Variants in PKNOX2 observed in about 807,000 individuals in gnomAD.
The protein encoded by PKNOX2 is homeobox protein PKNOX2.
PKNOX2 carries 14 observed loss-of-function variants against 53.1 expected under a neutral mutation model. That is an observed-to-expected ratio of 0.26 (90% confidence interval 0.17 to 0.41). PKNOX2 has a LOEUF of 0.41. Among genes scored for constraint, PKNOX2 ranks in the 10% least tolerant of loss-of-function variants. The pLI is 1.00. For missense variants in PKNOX2, 496 were observed against 602.8 expected, an observed-to-expected ratio of 0.82 and a Z score of 1.85; for synonymous variants, 257 against 242.8, an observed-to-expected ratio of 1.06 and a Z score of -0.54.
intron 4 of PKNOX2, among the ~76,000 whole-genome samples, chr11:125,354,690 A>T (rs147406758): frequency 6.6e-6 from 1 of 152,058 alleles, no homozygotes; most frequent in Admixed American, 6.6e-5. Context: ...ATAAATTAGA[A>T]TTTTTTTTCA....
chr11:125,347,528 G>A (rs370972292), intron 3 of PKNOX2, among the ~76,000 whole-genome samples: 3 of 152,104 alleles, frequency 2.0e-5, no homozygotes, highest in Non-Finnish European at 4.4e-5. Flanking sequence ...CCAGACTGCC[G>A]ACCTGGTGGT....
chr11:125,251,618 G>GA (rs1486356616), intron 2 of PKNOX2, among the ~76,000 whole-genome samples: 1 of 151,902 alleles, frequency 6.6e-6, no homozygotes, highest in African/African-American at 2.4e-5. Flanking sequence ...GATCTACACA[G>GA]ATGGGGTGCA....
chr11:125,264,766 C>A (rs548528272), intron 2 of PKNOX2, among the ~76,000 whole-genome samples: 2 of 151,774 alleles, frequency 1.3e-5, no homozygotes, highest in South Asian at 4.2e-4. Context: ...TTCTCTAAGC[C>A]CTGGGAACAG....
intron 1 of PKNOX2, among the ~76,000 whole-genome samples, chr11:125,211,183 G>A (rs1354755591): frequency 2.0e-5 from 3 of 151,994 alleles, no homozygotes; most frequent in Non-Finnish European, 4.4e-5. Context: ...GTTTCCTCTG[G>A]GTCAAAATGA....
In PKNOX2 at chr11:125,365,030, T is replaced by C. The variant is rs1952114725; in HGVS notation, c.88-2816T>C. 3.3e-5 allele frequency among the ~76,000 whole-genome samples: 5 copies of C among 152,220 alleles called. No homozygotes were observed. The South Asian group carries it at 1.0e-3, about 32-fold the overall frequency. ...GGTATTGGAAAGGTATTATTTAGGT[T>C]GTCTCCTTGTTATAGATCAAATGCA... On this transcript the variant is annotated intron_variant, in intron 4 of 12. Transcript: ENST00000298282.
intron 7 of PKNOX2, among the ~76,000 whole-genome samples, chr11:125,409,391 G>A (rs938921334): frequency 6.6e-6 from 1 of 152,198 alleles, no homozygotes; most frequent in Non-Finnish European, 1.5e-5. Context: ...TCGGCAGTGT[G>A]GGGAGAGGAG....
chr11:125,235,952 C>G (rs898674452), intron 2 of PKNOX2, among the ~76,000 whole-genome samples: 62 of 152,222 alleles, frequency 4.1e-4, no homozygotes, highest in Middle Eastern at 3.4e-3. Flanking sequence ...ACTGAGTTGC[C>G]CTGGGCAGGC....
At chr11:125,411,011 C>A in intron 9 of PKNOX2, 135 bp downstream of exon 9, 1 of 722,720 alleles carries the variant, frequency 1.4e-6, no homozygotes. Context: ...ATTACCCCTA[C>A]TTTACAGATA....
At chr11:125,270,416 C>G (rs949253601) in intron 2 of PKNOX2, among the ~76,000 whole-genome samples, 8 of 152,114 alleles carry the variant, frequency 5.3e-5, no homozygotes, top group African/African-American at 1.9e-4. Context: ...GGGCCCAGAC[C>G]TGGGGCTGAA....
intron 3 of PKNOX2, among the ~76,000 whole-genome samples, chr11:125,345,854 C>T (rs1417913103): frequency 4.6e-5 from 7 of 152,128 alleles, no homozygotes. Flanking sequence ...AGCTGCAAAT[C>T]CTAAGGCGAC....
chr11:125,204,190 G>A (rs1045113991), intron 1 of PKNOX2, among the ~76,000 whole-genome samples: 1 of 152,244 alleles, frequency 6.6e-6, no homozygotes, highest in Non-Finnish European at 1.5e-5. Flanking sequence ...TTTCCTGGAA[G>A]AGGAAGTGTA....
At chr11:125,285,819 CAAGCTCACGGCTTCCT>C (rs1946860379) in intron 2 of PKNOX2, among the ~76,000 whole-genome samples, 1 of 152,200 alleles carries the variant, frequency 6.6e-6, no homozygotes, top group African/African-American at 2.4e-5. Flanking sequence ...ATAAATACTC[CAAGCTCACGGCTTCCT>C]AAGCACTTCA....
chr11:125,333,173 AAGG>A (rs1950233640), intron 3 of PKNOX2, among the ~76,000 whole-genome samples: 2 of 152,110 alleles, frequency 1.3e-5, no homozygotes, highest in South Asian at 4.1e-4. Flanking sequence ...AGATGGGAAG[AAGG>A]TACAAAAAGG....
chr11:125,370,231 G>C lies in PKNOX2; in HGVS notation c.227+2246G>C, dbSNP rs1382109745. Among the ~76,000 whole-genome samples the C allele has an allele frequency of 1.3e-5, 2 of 152,164 alleles. No individual in the cohort carries two copies. The highest frequency in any genetic ancestry group is 2.9e-5 in the Non-Finnish European group (2 of 68,040). ...AGACTTGATAAGAATCAATGAGACG[G>C]CCCGTGGAGGCACCTGGCCCTGCGT... On this transcript the variant is annotated intron_variant, in intron 5 of 12. Coordinates refer to ENST00000298282, the MANE Select transcript of PKNOX2 (RefSeq NM_001382323.2). The surrounding 1 kb of genome is among the most constrained non-coding windows in gnomAD (Gnocchi z 4.1).
intron 1 of PKNOX2, among the ~76,000 whole-genome samples, chr11:125,209,342 C>T (rs994925405): frequency 3.9e-5 from 6 of 151,946 alleles, no homozygotes; most frequent in Non-Finnish European, 7.4e-5. Context: ...GTAGATTTTG[C>T]ATGTTGTAGA....
At chr11:125,179,626 C>T (rs565226685) in intron 1 of PKNOX2, among the ~76,000 whole-genome samples, 33 of 151,970 alleles carry the variant, frequency 2.2e-4, no homozygotes, top group Admixed American at 1.1e-3. Flanking sequence ...GAGGAGCTTG[C>T]GAGAGAACCC....
chr11:125,268,705 G>A (rs1479368041), intron 2 of PKNOX2, among the ~76,000 whole-genome samples: 1 of 149,652 alleles, frequency 6.7e-6, no homozygotes, highest in Non-Finnish European at 1.5e-5. Context: ...GTGTGGGACA[G>A]AAGTCTCTTG....
At position 125,341,918 on chromosome 11, in the gene PKNOX2, C is replaced by T. The variant is rs527550355; in HGVS notation, c.-22-9366C>T. On this transcript the variant is annotated intron_variant, in intron 3 of 12. Transcript: ENST00000298282. ...AGGAACACAGAGCCAGTGTACCCGC[C>T]CTCCTTCCAAGGGGGTGGTGAGGAC... Among the ~76,000 whole-genome samples the T allele has an allele frequency of 2.0e-5, 3 of 149,878 alleles. No homozygotes were observed. In the East Asian group the frequency reaches 5.8e-4, roughly 29 times the overall value.
chr11:125,294,724 C>T (rs1388315923), intron 2 of PKNOX2, among the ~76,000 whole-genome samples: 10 of 152,206 alleles, frequency 6.6e-5, no homozygotes, highest in South Asian at 2.1e-4. Flanking sequence ...AGTAGTCAGG[C>T]TTATGAAGAG....
Sources: allele counts gnomAD v4.1 joint callset (sites outside exome capture counted in the v4.1 genomes callset), GRCh38; gene constraint gnomAD v4.1.1; non-coding constraint Gnocchi (gnomAD v3.1); transcripts MANE v1.5; gene names NCBI Gene and HGNC (gene_info 2026-07-23, HGNC 2026-07-21).